GRM1: variants seen among roughly 807,000 people sequenced by gnomAD.
GRM1 encodes metabotropic glutamate receptor 1.
GRM1 carries 33 observed loss-of-function variants against 90.9 expected under a neutral mutation model. The ratio of observed to expected loss-of-function variants is 0.36; its 90% CI spans 0.28 to 0.49. The LOEUF is 0.49. Ranked by LOEUF, GRM1 falls within the 20% of genes least tolerant of loss-of-function variation. The pLI is 0.99. For synonymous variants in GRM1, 700 were observed against 613.2 expected (o/e 1.14, Z -2.09); for missense variants, 1,190 against 1,534.3 (o/e 0.78, Z 3.75).
chr6:146,372,162 G>A (rs1442717509), intron 5 of GRM1, among the ~76,000 whole-genome samples: 2 of 151,862 alleles, frequency 1.3e-5, no homozygotes, highest in Admixed American at 6.6e-5. Flanking sequence ...TTTTAACTGG[G>A]GTGAGATGAT....
At position 146,434,454 on chromosome 6, in the gene GRM1, G is replaced by T; in HGVS notation, c.3243G>T (p.Gln1081His). Residue 1081 changes from glutamine to histidine, a missense_variant, in exon 8 of 8, where the codon CAG becomes CAT. Transcript: ENST00000282753. Reference protein sequence around the residue: ...PPQHLQMLPLQLSTFGEELVS... With the variant: ...PPQHLQMLPLHLSTFGEELVS... ...AGCACCTGCAGATGCTGCCGCTGCA[G>T]CTGAGCACCTTTGGGGAGGAGCTGG... 6.2e-7 allele frequency: 1 copy of T among 1,614,038 alleles called. No homozygotes were observed. Among genetic ancestry groups the T allele is most frequent in the Non-Finnish European group, 8.5e-7 (1 of 1,180,010 alleles).
intron 2 of GRM1, among the ~76,000 whole-genome samples, chr6:146,258,871 T>C (rs1781581234): frequency 6.6e-6 from 1 of 152,196 alleles, no homozygotes; most frequent in African/African-American, 2.4e-5. Context: ...GGGTCATACC[T>C]ACCCTACTTA....
intron 3 of GRM1, among the ~76,000 whole-genome samples, chr6:146,344,722 C>T (rs1403968250): frequency 6.6e-6 from 1 of 152,164 alleles, no homozygotes. Flanking sequence ...TTTAACTGGG[C>T]TGATAAGTCT....
chr6:146,379,856 G>A (rs1315943492), intron 5 of GRM1, among the ~76,000 whole-genome samples: 3 of 151,954 alleles, frequency 2.0e-5, no homozygotes, highest in Non-Finnish European at 4.4e-5. Context: ...TCTTGGACAA[G>A]ATCCAGGACA....
chr6:146,400,227 C>A (rs1466060198), intron 7 of GRM1, among the ~76,000 whole-genome samples: 1 of 152,094 alleles, frequency 6.6e-6, no homozygotes, highest in Admixed American at 6.5e-5. Flanking sequence ...CTACTGAGCA[C>A]CAAGTATGTC....
At chr6:146,111,236 A>G (rs1188092014) in intron 1 of GRM1, among the ~76,000 whole-genome samples, 8 of 152,128 alleles carry the variant, frequency 5.3e-5, no homozygotes, top group Admixed American at 2.6e-4. Flanking sequence ...TTTTATGGGG[A>G]AAAAAAGTGG....
intron 5 of GRM1, among the ~76,000 whole-genome samples, chr6:146,368,149 C>T (rs1196043931): frequency 6.7e-6 from 1 of 149,338 alleles, no homozygotes; most frequent in East Asian, 2.0e-4. Flanking sequence ...TTTTTTATTT[C>T]TTCTTCAGAT....
intron 4 of GRM1, 87 bp downstream of exon 4, chr6:146,352,583 G>T: frequency 7.5e-7 from 1 of 1,339,646 alleles, no homozygotes; most frequent in Admixed American, 1.7e-5. Flanking sequence ...TGGTTCCATG[G>T]TTTCTGGGTG....
At chr6:146,359,336 T>C (rs909255352) in intron 5 of GRM1, among the ~76,000 whole-genome samples, 2 of 152,108 alleles carry the variant, frequency 1.3e-5, no homozygotes, top group Non-Finnish European at 2.9e-5. Context: ...AACAGGATTA[T>C]CTGTGGACTG....
intron 2 of GRM1, among the ~76,000 whole-genome samples, chr6:146,178,685 A>G (rs1778425392): frequency 6.6e-6 from 1 of 152,192 alleles, no homozygotes; most frequent in Non-Finnish European, 1.5e-5. Context: ...GCTTCTATCA[A>G]CATGACTTAT....
intron 2 of GRM1, among the ~76,000 whole-genome samples, chr6:146,197,492 A>T (rs1056834233): frequency 2.0e-4 from 30 of 152,202 alleles, no homozygotes; most frequent in African/African-American, 7.2e-4. Context: ...CTCCTGAATC[A>T]TCTCAGCTCT....
At chr6:146,210,717 G>A (rs2114644984) in intron 2 of GRM1, among the ~76,000 whole-genome samples, 1 of 152,222 alleles carries the variant, frequency 6.6e-6, no homozygotes, top group East Asian at 1.9e-4. Context: ...GTTAGCAAAA[G>A]TATTTGAAAA....
At chr6:146,188,969 T>C (rs1340119072) in intron 2 of GRM1, among the ~76,000 whole-genome samples, 1 of 152,220 alleles carries the variant, frequency 6.6e-6, no homozygotes, top group African/African-American at 2.4e-5. Flanking sequence ...GCTAAGCTAC[T>C]GTGCTAAAAG....
At chr6:146,118,456 A>G (rs1400286509) in intron 1 of GRM1, among the ~76,000 whole-genome samples, 3 of 151,946 alleles carry the variant, frequency 2.0e-5, no homozygotes, top group Non-Finnish European at 4.4e-5. Context: ...TTTTTATTAT[A>G]CTTTAAGTTC....
At chr6:146,276,936 T>C (rs1448386732) in intron 2 of GRM1, among the ~76,000 whole-genome samples, 1 of 152,030 alleles carries the variant, frequency 6.6e-6, no homozygotes, top group Non-Finnish European at 1.5e-5. Flanking sequence ...CCCCCATCTC[T>C]ACAAATAATA....
intron 1 of GRM1, among the ~76,000 whole-genome samples, chr6:146,107,628 T>C (rs1775363504): frequency 6.6e-6 from 1 of 152,232 alleles, no homozygotes; most frequent in Admixed American, 6.5e-5. Flanking sequence ...TTTCTATTCC[T>C]TTTAATCATC....
chr6:146,279,254 G>A (rs1782483359), intron 2 of GRM1, among the ~76,000 whole-genome samples: 1 of 151,912 alleles, frequency 6.6e-6, no homozygotes, highest in African/African-American at 2.4e-5. Context: ...CTCTCTTTCA[G>A]TATATCTAGA....
intron 1 of GRM1, among the ~76,000 whole-genome samples, chr6:146,087,750 T>C (rs2128866228): frequency 6.6e-6 from 1 of 152,334 alleles, no homozygotes; most frequent in South Asian, 2.1e-4. Flanking sequence ...TGAAATCTAT[T>C]CAATTTGTTG....
chr6:146,114,491 C>G (rs970815781), intron 1 of GRM1, among the ~76,000 whole-genome samples: 1 of 152,010 alleles, frequency 6.6e-6, no homozygotes, highest in Non-Finnish European at 1.5e-5. Context: ...ATTGCAAAAC[C>G]AAACCAAATC....
Sources: gnomAD v4.1 joint callset for allele counts (sites outside exome capture counted in the v4.1 genomes callset) on GRCh38, gnomAD v4.1.1 for gene constraint, MANE v1.5 for transcripts, NCBI Gene and HGNC (gene_info 2026-07-23, HGNC 2026-07-21) for gene names.